ATF7IP2: variants seen among roughly 807,000 people sequenced by gnomAD.
ATF7IP2 encodes the protein activating transcription factor 7 interacting protein 2.
In ATF7IP2, 42 loss-of-function variants were observed where a neutral mutation model predicts 64.2. That is an observed-to-expected ratio of 0.65 (90% confidence interval 0.51 to 0.85). The LOEUF (loss-of-function observed/expected upper bound fraction) is 0.85. Ranked by LOEUF, ATF7IP2 falls within the 40% of genes least tolerant of loss-of-function variation. The pLI, the probability that ATF7IP2 is intolerant of heterozygous loss-of-function variation, is 0.00. For missense variants in ATF7IP2, 933 were observed against 784.2 expected, an observed-to-expected ratio of 1.19 and a Z score of -2.27; for synonymous variants, 308 against 272.8, an observed-to-expected ratio of 1.13 and a Z score of -1.27.
chr16:10,480,044 A>T (rs185722813), intron 12 of ATF7IP2, among the ~76,000 whole-genome samples: 1 of 127,818 alleles, frequency 7.8e-6, no homozygotes, highest in Non-Finnish European at 1.6e-5. Context: ...GCTAGAATGC[A>T]GTGGCTTGAT....
intron 1 of ATF7IP2, among the ~76,000 whole-genome samples, chr16:10,412,407 A>G (rs960079800): frequency 6.6e-6 from 1 of 152,054 alleles, no homozygotes; most frequent in African/African-American, 2.4e-5. Flanking sequence ...GAACTTTTTA[A>G]TTTCCATCTT....
chr16:10,435,405 T>C (rs1010315435), intron 6 of ATF7IP2, among the ~76,000 whole-genome samples: 3 of 152,240 alleles, frequency 2.0e-5, no homozygotes, highest in African/African-American at 4.8e-5. Context: ...AAGTTTGTAC[T>C]TTCTCCAAAC....
At chr16:10,438,004 A>C (rs960868363) in intron 6 of ATF7IP2, 97 bp from the exon 7 acceptor site, 5 of 902,602 alleles carry the variant, frequency 5.5e-6, no homozygotes, top group African/African-American at 1.7e-5. Flanking sequence ...AATTGGTTAC[A>C]GTAAATCTGG....
chr16:10,398,833 G>A (rs1445630719), intron 1 of ATF7IP2, among the ~76,000 whole-genome samples: 3 of 152,172 alleles, frequency 2.0e-5, no homozygotes, highest in African/African-American at 4.8e-5. Context: ...AAGAGATCTG[G>A]CCAGATGTGG....
intron 12 of ATF7IP2, among the ~76,000 whole-genome samples, chr16:10,479,594 A>G (rs2050141087): frequency 6.6e-6 from 1 of 152,036 alleles, no homozygotes; most frequent in Non-Finnish European, 1.5e-5. Flanking sequence ...TGGCACATGT[A>G]TACATATGTA....
Position 10,473,908 on chromosome 16 carries a change from T to TTTTTTTG in ATF7IP2, c.1483-14_1483-13insTTTTTGT. 1 of 1,462,128 alleles carries TTTTTTTG rather than the reference T, an allele frequency of 6.8e-7. No individual in the cohort carries two copies. Among genetic ancestry groups the TTTTTTTG allele is most frequent in the Admixed American group, 2.3e-5 (1 of 43,832 alleles). 90.6% of individuals were successfully genotyped at this position (1,462,128 alleles called of 1,614,324 possible). On this transcript the variant is annotated splice_polypyrimidine_tract_variant and intron_variant, in intron 11 of 13. Transcript: ENST00000562102. ...TTGAGGCAAAGCTTTTTTTTTTTTT[T>TTTTTTTG]TACAATTTTTTTAGGCTGTACAGAA...
intron 2 of ATF7IP2, among the ~76,000 whole-genome samples, chr16:10,415,101 A>C (rs1026649589): frequency 6.6e-6 from 1 of 152,198 alleles, no homozygotes; most frequent in South Asian, 2.1e-4. Context: ...CATCGATGAC[A>C]TTCTTCACAG....
intron 7 of ATF7IP2, among the ~76,000 whole-genome samples, chr16:10,439,592 G>A (rs1380277774): frequency 7.9e-5 from 11 of 140,098 alleles, no homozygotes; most frequent in African/African-American, 1.4e-4. Context: ...GAGTGCAGTC[G>A]TGTGATCTCA....
At chr16:10,474,514 G>T (rs2049932157) in intron 12 of ATF7IP2, among the ~76,000 whole-genome samples, 1 of 152,162 alleles carries the variant, frequency 6.6e-6, no homozygotes, top group Non-Finnish European at 1.5e-5. Context: ...AGGACGCACA[G>T]AGAAACAGAA....
intron 5 of ATF7IP2, 32 bp from the exon 6 acceptor site, chr16:10,433,493 A>G (rs768098696): frequency 1.2e-5 from 19 of 1,590,142 alleles, no homozygotes; most frequent in Non-Finnish European, 1.5e-5. Flanking sequence ...TCTTTAAAAT[A>G]TCTTTCTTTC....
rs200252356 is a variant in ATF7IP2, at chr16:10,433,559, C to T, written c.870C>T (p.Asn290=). The T allele has an allele frequency of 3.6e-4, 580 of 1,612,790 alleles. No individual in the cohort carries two copies. The highest frequency in any genetic ancestry group is 1.6e-3 in the South Asian group (144 of 91,044). Residue 290 remains asparagine, a synonymous_variant, in exon 6 of 14, where the codon AAC becomes AAT. Coordinates refer to ENST00000562102, the MANE Select transcript of ATF7IP2 (RefSeq NM_001393719.1). ...HYQKKRMFSE[N]EENVKRMKTS... The stretch of plus-strand genomic sequence containing the variant: ...AAAAGAAGAGGATGTTTTCAGAAAA[C>T]GAGGAAAATGTTAAACGCATGAAAA...
intron 1 of ATF7IP2, among the ~76,000 whole-genome samples, chr16:10,414,092 G>A (rs930200339): frequency 6.6e-6 from 1 of 152,076 alleles, no homozygotes; most frequent in African/African-American, 2.4e-5. Flanking sequence ...AATTTCCCAG[G>A]TGTTCTTTGA....
intron 4 of ATF7IP2, among the ~76,000 whole-genome samples, 190 bp downstream of exon 4, chr16:10,429,206 A>C (rs1451312214): frequency 2.0e-5 from 3 of 152,244 alleles, no homozygotes; most frequent in Non-Finnish European, 4.4e-5. Flanking sequence ...TCTTTGGAAA[A>C]TAATACAAAA....
chr16:10,481,064 G>C (rs2050204912), intron 13 of ATF7IP2, 100 bp downstream of exon 13: 5 of 861,688 alleles, frequency 5.8e-6, no homozygotes, highest in Non-Finnish European at 7.7e-6. Flanking sequence ...TTTCAGCTTA[G>C]ACAACAATTT....
chr16:10,461,792 C>G (rs1031653219), intron 9 of ATF7IP2, among the ~76,000 whole-genome samples: 1 of 152,060 alleles, frequency 6.6e-6, no homozygotes, highest in Non-Finnish European at 1.5e-5. Flanking sequence ...AATTTACTTA[C>G]CTGAATATGG....
chr16:10,471,514 G>A (rs2049799276), intron 9 of ATF7IP2, among the ~76,000 whole-genome samples: 1 of 151,806 alleles, frequency 6.6e-6, no homozygotes, highest in Non-Finnish European at 1.5e-5. Context: ...GGGGACAAGA[G>A]CAAAACTCCA....
At chr16:10,442,912 C>A (rs1429715543) in intron 8 of ATF7IP2, among the ~76,000 whole-genome samples, 1 of 152,140 alleles carries the variant, frequency 6.6e-6, no homozygotes, top group African/African-American at 2.4e-5. Flanking sequence ...GGATTCAAAC[C>A]CTGCAGCTGT....
Position 10,433,648 on chromosome 16 carries a change from A to T in ATF7IP2, c.959A>T (p.Gln320Leu), listed in dbSNP as rs1225663894. The T allele has an allele frequency of 6.2e-7, 1 of 1,613,046 alleles. No homozygotes were observed. The highest frequency in any genetic ancestry group is 8.5e-7 in the Non-Finnish European group (1 of 1,179,512). Residue 320 changes from glutamine to leucine, a missense_variant and splice_region_variant, in exon 6 of 14, where the codon CAG becomes CTG. Coordinates refer to ENST00000562102, the MANE Select transcript of ATF7IP2 (RefSeq NM_001393719.1). ...SLERQTAFLE[Q>L]VRHLIQQEIY... ...GAAAGGCAAACAGCATTCCTGGAACAGGTAAAATATTGGGGCTTAAATGGA... is the reference window on the plus strand; with the variant it reads ...GAAAGGCAAACAGCATTCCTGGAACTGGTAAAATATTGGGGCTTAAATGGA...
chr16:10,455,577 A>C (rs746322036), intron 8 of ATF7IP2, among the ~76,000 whole-genome samples: 1 of 152,236 alleles, frequency 6.6e-6, no homozygotes, highest in Non-Finnish European at 1.5e-5. Context: ...CCAATACCTA[A>C]AAATGTGAAA....
Sources: gnomAD v4.1 joint callset for allele counts (sites outside exome capture counted in the v4.1 genomes callset) on GRCh38, gnomAD v4.1.1 for gene constraint, MANE v1.5 for transcripts, NCBI Gene and HGNC (gene_info 2026-07-23, HGNC 2026-07-21) for gene names.